Variants in RIGI observed in about 807,000 individuals in gnomAD.
RIGI encodes RNA sensor RIG-I, also known as antiviral innate immune response receptor RIG-I.
chr9:32,521,139 CAAAAAAAA>C, the RIGI span, among the ~76,000 whole-genome samples: 15 of 32,776 alleles, frequency 4.6e-4, no homozygotes, highest in South Asian at 2.3e-3. Context: ...GACACCATCT[CAAAAAAAA>C]AAAAAAAAAA....
the RIGI span, chr9:32,487,818 C>T: frequency 1.5e-6 from 2 of 1,313,484 alleles, no homozygotes; most frequent in South Asian, 1.4e-5. Flanking sequence ...AAACAAAATT[C>T]ATAATGAGTT....
chr9:32,521,025 A>G, the RIGI span, among the ~76,000 whole-genome samples: 3 of 151,280 alleles, frequency 2.0e-5, no homozygotes, highest in African/African-American at 4.9e-5. Context: ...ATGGCCTGTA[A>G]TCCCAGCTAC....
the RIGI span, among the ~76,000 whole-genome samples, chr9:32,510,840 C>T: frequency 6.6e-6 from 1 of 151,834 alleles, no homozygotes; most frequent in South Asian, 2.1e-4. Flanking sequence ...ATTCAGGAGA[C>T]CCATCTCACA....
chr9:32,463,616 T>C, the RIGI span, among the ~76,000 whole-genome samples: 28 of 152,154 alleles, frequency 1.8e-4, no homozygotes, highest in Non-Finnish European at 2.6e-4. Flanking sequence ...ATTACAGCTA[T>C]ACTTAAAACT....
chr9:32,478,796 G>A, the RIGI span, among the ~76,000 whole-genome samples: 1 of 152,112 alleles, frequency 6.6e-6, no homozygotes, highest in Non-Finnish European at 1.5e-5. Flanking sequence ...CTGAGCTCAA[G>A]TAATCCACCC....
the RIGI span, chr9:32,489,371 T>C: frequency 6.2e-7 from 1 of 1,613,108 alleles, no homozygotes; most frequent in Non-Finnish European, 8.5e-7. Context: ...ATTGTGTTTT[T>C]TCCTTTCATA....
At chr9:32,523,506 C>T in the RIGI span, among the ~76,000 whole-genome samples, 1 of 152,138 alleles carries the variant, frequency 6.6e-6, no homozygotes, top group Non-Finnish European at 1.5e-5. Context: ...ACCCAAGGAC[C>T]AAAGCCAGAG....
chr9:32,491,212 A>C, the RIGI span: 1 of 1,455,304 alleles, frequency 6.9e-7, no homozygotes, highest in Non-Finnish European at 9.3e-7. Context: ...ACTTTTCACA[A>C]GGCTGTGACT....
the RIGI span, among the ~76,000 whole-genome samples, chr9:32,507,983 T>C: frequency 0.41 from 61,585 of 151,426 alleles, 13,063 homozygotes; most frequent in South Asian, 0.53. Context: ...TATTTCCCTT[T>C]CCTATATTTT....
the RIGI span, chr9:32,489,028 T>C: frequency 1.3e-6 from 1 of 797,598 alleles, no homozygotes; most frequent in Non-Finnish European, 1.8e-6. Flanking sequence ...ATTACAGAAT[T>C]TACACTATGA....
chr9:32,500,701 G>T, the RIGI span: 1 of 1,387,440 alleles, frequency 7.2e-7, no homozygotes, highest in South Asian at 1.4e-5. Flanking sequence ...TAAGAGGCAT[G>T]AACTATAAGT....
At chr9:32,479,687 A>C in the RIGI span, among the ~76,000 whole-genome samples, 3 of 151,970 alleles carry the variant, frequency 2.0e-5, no homozygotes, top group African/African-American at 7.3e-5. Flanking sequence ...AAATACAAAA[A>C]TTAGCCGGGT....
the RIGI span, among the ~76,000 whole-genome samples, chr9:32,509,640 G>A: frequency 1.1e-4 from 16 of 152,204 alleles, no homozygotes; most frequent in South Asian, 4.1e-4. Context: ...ATGAGGAAAC[G>A]CCAGTGCAAA....
the RIGI span, among the ~76,000 whole-genome samples, chr9:32,486,351 A>C: frequency 6.6e-6 from 1 of 151,330 alleles, no homozygotes; most frequent in Admixed American, 6.6e-5. Flanking sequence ...TACTCAGGAG[A>C]CTGAGGCAGG....
At chr9:32,461,853 G>T in the RIGI span, among the ~76,000 whole-genome samples, 2 of 151,964 alleles carry the variant, frequency 1.3e-5, no homozygotes, top group African/African-American at 4.8e-5. Context: ...ATAAACTCTA[G>T]AACCATTTTA....
the RIGI span, chr9:32,472,922 CACAT>C: frequency 7.9e-6 from 10 of 1,261,038 alleles, no homozygotes; most frequent in East Asian, 1.5e-4. Flanking sequence ...TACACACACA[CACAT>C]ATTCTTAAAT....
the RIGI span, among the ~76,000 whole-genome samples, chr9:32,518,011 T>A: frequency 6.6e-6 from 1 of 152,204 alleles, no homozygotes; most frequent in African/African-American, 2.4e-5. Context: ...TTCTCATCTA[T>A]AAAATACTAA....
the RIGI span, chr9:32,487,839 G>T: frequency 2.9e-6 from 4 of 1,393,892 alleles, no homozygotes; most frequent in East Asian, 9.2e-5. Context: ...GTACAATATG[G>T]ACTTGGGACC....
chr9:32,524,904 A>G, the RIGI span, among the ~76,000 whole-genome samples: 1 of 151,940 alleles, frequency 6.6e-6, no homozygotes, highest in Non-Finnish European at 1.5e-5. Context: ...GGATGTGACC[A>G]ACTCAGCATT....
Sources: gnomAD v4.1 joint callset for allele counts (sites outside exome capture counted in the v4.1 genomes callset) on GRCh38, gnomAD v4.1.1 for gene constraint, MANE v1.5 for transcripts, NCBI Gene and HGNC (gene_info 2026-07-23, HGNC 2026-07-21) for gene names.